The following BEST1 variants were observed in gnomAD, a reference collection of about 807,000 sequenced individuals.
The protein encoded by BEST1 is bestrophin 1, also known as bestrophin-1.
Under a neutral mutation model 63.3 loss-of-function variants are expected in BEST1, and 58 were observed. The observed-to-expected ratio is 0.92, with a 90% CI of 0.74 to 1.14. The LOEUF (loss-of-function observed/expected upper bound fraction) is 1.14. Among genes scored for constraint, BEST1 ranks in the 50% most tolerant of loss-of-function variants. The probability of loss-of-function intolerance (pLI) is 0.00; values close to 1 mark genes in which losing one functional copy is unlikely to be tolerated. For synonymous variants in BEST1, 283 were observed against 291.6 expected (o/e 0.97, Z 0.30); for missense variants, 671 against 740.1 (o/e 0.91, Z 1.08).
intron 3 of BEST1, 175 bp from the exon 4 acceptor site, chr11:61,955,543 C>T: frequency 1.0e-6 from 1 of 996,908 alleles, no homozygotes; most frequent in Non-Finnish European, 1.4e-6. Flanking sequence ...GGGGCTCTCG[C>T]GCCTCCATGC....
In BEST1 at chr11:61,962,667, G is replaced by A. The variant is rs770903094; in HGVS notation, c.1513G>A (p.Val505Met). 6 of 1,614,006 alleles carry A rather than the reference G, an allele frequency of 3.7e-6. No individual in the cohort carries two copies. Among genetic ancestry groups the A allele is most frequent in the African/African-American group, 1.3e-5 (1 of 74,926 alleles). The change falls in exon 10 of 11, where the codon GTG (valine) becomes ATG (methionine). Residue 505 changes from valine to methionine, a missense_variant. Val to Met is a conservative substitution (Grantham distance 21, BLOSUM62 1). Transcript: ENST00000378043. Reference protein sequence around the residue: ...IDTKDKSLKTVSSGAKKSFEL... With the variant: ...IDTKDKSLKTMSSGAKKSFEL... ...CACCAAAGACAAAAGCTTAAAGACT[G>A]TGAGTTCTGGGGCCAAGAAAAGTTT...
upstream of BEST1, chr11:61,950,048 T>G (rs1180897240): frequency 6.5e-6 from 1 of 152,878 alleles, no homozygotes; most frequent in Non-Finnish European, 1.5e-5. Context: ...AACCCCCAAC[T>G]CTCTCTGCAA....
At position 61,962,422 on chromosome 11, in the gene BEST1, AG is replaced by A; in HGVS notation, c.1271del (p.Gly424AlafsTer58). On this transcript the variant is annotated frameshift_variant, in exon 10 of 11. Coordinates refer to ENST00000378043, the MANE Select transcript of BEST1 (RefSeq NM_004183.4). LOFTEE classifies it high-confidence loss of function. ...LWPKRESLLH[E>X]GLPKNHKAAK... ...CCCAAGAGGGAATCCCTTCTCCACG[AG>A]GGCCTGCCCAAAAACCACAAGGCAG... is the stretch of plus-strand genomic sequence containing the variant. The A allele has an allele frequency of 6.2e-7, 1 of 1,614,198 alleles. No individual in the cohort carries two copies. The highest frequency in any genetic ancestry group is 8.5e-7 in the Non-Finnish European group (1 of 1,180,040).
At chr11:61,959,203 C>T (rs1591299930) in intron 7 of BEST1, 1 of 479,042 alleles carries the variant, frequency 2.1e-6, no homozygotes, top group East Asian at 4.0e-5. Context: ...TATGCAACTC[C>T]AGGTAAGATA....
intron 4 of BEST1, among the ~76,000 whole-genome samples, chr11:61,956,273 T>C (rs957975523): frequency 2.6e-5 from 4 of 152,066 alleles, no homozygotes; most frequent in African/African-American, 7.2e-5. Flanking sequence ...CCCTTGCCCC[T>C]CTTGATCTCC....
chr11:61,955,836 G>A lies in BEST1; in HGVS notation c.366G>A (p.Arg122=). ...TCGAAGGCAAGGACGAGCAAGGCCG[G>A]CTGCTGCGGCGCACGCTCATCCGCT... The part of the protein sequence containing the change: ...GFVEGKDEQG[R]LLRRTLIRYA... Residue 122 remains arginine (R), a synonymous_variant, in exon 4 of 11, where the codon CGG becomes CGA. Coordinates refer to ENST00000378043, the MANE Select transcript of BEST1 (RefSeq NM_004183.4). The A allele has an allele frequency of 6.4e-7, 1 of 1,550,482 alleles. No homozygotes were observed. Among genetic ancestry groups the A allele is most frequent in the South Asian group, 1.2e-5 (1 of 84,068 alleles).
In BEST1 at chr11:61,961,873, G is replaced by A. The variant is rs1473159668; in HGVS notation, c.1101-382G>A. 3.0e-5 allele frequency: 7 copies of A among 229,640 alleles called. No individual in the cohort carries two copies. The East Asian group carries it at 6.8e-4, about 22-fold the overall frequency. The allele number at this position is 229,640 out of a possible 1,614,324, so 14.2% of individuals were successfully genotyped here. ...TCCCAGTTGGAACCACAAATTCCTG[G>A]CATTGCCCAGAGTCACTCATGGGCC... is the stretch of plus-strand genomic sequence containing the variant. On this transcript the variant is annotated intron_variant, in intron 9 of 10. Transcript: ENST00000378043.
At chr11:61,951,673 A>G in intron 1 of BEST1, 98 bp from the exon 2 acceptor site, 1 of 1,258,688 alleles carries the variant, frequency 7.9e-7, no homozygotes, top group Admixed American at 1.9e-5. Flanking sequence ...TAGGGTCCCT[A>G]TGGGAGAGTT....
intron 1 of BEST1, among the ~76,000 whole-genome samples, chr11:61,951,364 G>A (rs1358144660): frequency 3.3e-5 from 5 of 151,904 alleles, no homozygotes; most frequent in African/African-American, 1.2e-4. Flanking sequence ...CCCGCACCAC[G>A]CCTGGATAAT....
chr11:61,965,022 G>C (rs1304849089), downstream of BEST1: 4 of 1,613,790 alleles, frequency 2.5e-6, no homozygotes, highest in South Asian at 4.4e-5. Context: ...AGTTTGTGCA[G>C]TTCCAGTAGT....
rs1166883110 is a variant in BEST1, at chr11:61,962,376, T to C, written c.1222T>C (p.Ser408Pro). ...SHDHHPPRAN[S>P]RTKLLWPKRE... ...TGATCACCATCCTCCCAGGGCAAACTCAAGGACCAAACTACTGTGGCCCAA... is the reference window on the plus strand; with the variant it reads ...TGATCACCATCCTCCCAGGGCAAACCCAAGGACCAAACTACTGTGGCCCAA... Residue 408 changes from serine to proline, a missense_variant, in exon 10 of 11, where the codon TCA (serine) becomes CCA (proline). By Grantham distance (74) the Ser-to-Pro change is moderately conservative. Coordinates refer to ENST00000378043, the MANE Select transcript of BEST1 (RefSeq NM_004183.4). 1 of 1,613,886 alleles carries C rather than the reference T, an allele frequency of 6.2e-7. No individual in the cohort carries two copies. Among genetic ancestry groups the C allele is most frequent in the Non-Finnish European group, 8.5e-7 (1 of 1,180,018 alleles).
Position 61,956,531 on chromosome 11 carries a change from C to T in BEST1, c.482-313C>T, listed in dbSNP as rs195163. 0.85 allele frequency among the ~76,000 whole-genome samples: 128,856 copies of T among 151,988 alleles called. 55,627 individuals carry two copies. The highest frequency in any genetic ancestry group is 1 in the East Asian group (5,158 of 5,164). ...AGCAGGGCATGGTGGCGTGTGCCTG[C>T]AGTCTGAGGCTGAGTATCGGGAGGC... On this transcript the variant is annotated intron_variant, in intron 4 of 10. Transcript: ENST00000378043.
rs375951273 is a variant in BEST1 at position 61,963,252 on chromosome 11, G to A, written c.1739+359G>A. On this transcript the variant is annotated intron_variant, in intron 10 of 10. Coordinates refer to ENST00000378043, the MANE Select transcript of BEST1 (RefSeq NM_004183.4). ...TGGCCCCAACTTACTTTGAGCAAGGGTGGCTGACCCAAAACCATGAGGTGG... is the reference window on the plus strand; with the variant it reads ...TGGCCCCAACTTACTTTGAGCAAGGATGGCTGACCCAAAACCATGAGGTGG... 9 of 1,382,148 alleles carry A rather than the reference G, an allele frequency of 6.5e-6. No homozygotes were observed. The East Asian group carries it at 1.3e-4, about 20-fold the overall frequency. 85.6% of individuals were successfully genotyped at this position (1,382,148 alleles called of 1,614,324 possible).
intron 2 of BEST1, chr11:61,954,729 CGT>C: frequency 1.1e-6 from 1 of 897,272 alleles, no homozygotes; most frequent in Non-Finnish European, 1.3e-6. Context: ...GGATTACAGG[CGT>C]GAACCACCGT....
intron 10 of BEST1, chr11:61,963,512 C>A (rs1362274502): frequency 2.9e-6 from 3 of 1,046,034 alleles, no homozygotes; most frequent in African/African-American, 1.7e-5. Flanking sequence ...TCCCTTTATT[C>A]CAGATTTCCT....
rs1942153329 is a variant in BEST1, at chr11:61,962,343, C to T, written c.1189C>T (p.Gln397Ter). 2 of 1,614,046 alleles carry T rather than the reference C, an allele frequency of 1.2e-6. No homozygotes were observed. Among genetic ancestry groups the T allele is most frequent in the African/African-American group, 1.3e-5 (1 of 74,918 alleles). The change falls in exon 10 of 11, where the codon CAG (glutamine) becomes TAG (stop). Residue 397 changes from glutamine (Q) to a stop codon, truncating the protein, a stop_gained. Transcript: ENST00000378043. LOFTEE classifies it high-confidence loss of function. ...AGIIGRFLGL[Q>*]SHDHHPPRAN... ...CATCATTGGCCGCTTCCTAGGCCTG[C>T]AGTCCCATGATCACCATCCTCCCAG... is the stretch of plus-strand genomic sequence containing the variant.
At chr11:61,962,960 G>A (rs1942236251) in intron 10 of BEST1, 67 bp downstream of exon 10, 10 of 1,613,128 alleles carry the variant, frequency 6.2e-6, no homozygotes, top group Non-Finnish European at 8.5e-6. Context: ...CCCTTGCTCT[G>A]AGCCTACCCT....
rs548791228 is a variant in BEST1, at chr11:61,962,052, C to G, written c.1101-203C>G. On this transcript the variant is annotated intron_variant, in intron 9 of 10. Transcript: ENST00000378043. The stretch of plus-strand genomic sequence containing the variant: ...CTCTGGTCAAGAGGGAATCAACAAA[C>G]AGTGAGGTGAGCTGGGCCTGGAGGG... 2.0e-5 allele frequency: 12 copies of G among 612,636 alleles called. 1 individual carries two copies. The highest frequency in any genetic ancestry group is 1.1e-4 in the African/African-American group (6 of 54,338). 38.0% of individuals were successfully genotyped at this position (612,636 alleles called of 1,614,324 possible). A position where few individuals can be genotyped will look rare whatever the true frequency, so the allele number is the denominator to read the frequency against.
At chr11:61,956,789 G>A (rs1941414146) in intron 4 of BEST1, 55 bp from the exon 5 acceptor site, 17 of 1,609,350 alleles carry the variant, frequency 1.1e-5, no homozygotes, top group South Asian at 3.3e-5. Context: ...AGCAGGTGCC[G>A]GCCATCCCTT....
Sources: allele counts gnomAD v4.1 joint callset (sites outside exome capture counted in the v4.1 genomes callset), GRCh38; gene constraint gnomAD v4.1.1; transcripts MANE v1.5; gene names NCBI Gene and HGNC (gene_info 2026-07-23, HGNC 2026-07-21).